The following SRGAP3 variants were observed in gnomAD, a reference collection of about 807,000 sequenced individuals.
SRGAP3 encodes the protein SLIT-ROBO Rho GTPase activating protein 3.
A neutral mutation model predicts 121.1 loss-of-function variants in SRGAP3; 39 were observed. That is an observed-to-expected ratio of 0.32 (90% CI 0.25 to 0.42). The LOEUF (loss-of-function observed/expected upper bound fraction) is 0.42. Ranked by LOEUF, SRGAP3 falls within the 10% of genes least tolerant of loss-of-function variation. The pLI, the probability that SRGAP3 is intolerant of heterozygous loss-of-function variation, is 1.00. For missense variants in SRGAP3, 1,213 were observed against 1,470.6 expected, an observed-to-expected ratio of 0.82 and a Z score of 2.86; for synonymous variants, 601 against 570.0, an observed-to-expected ratio of 1.05 and a Z score of -0.77.
chr3:9,242,077 CAAAAAAAAAAAA>C (rs142186507), intron 1 of SRGAP3, among the ~76,000 whole-genome samples: 640 of 68,518 alleles, frequency 9.3e-3, no homozygotes, highest in Admixed American at 0.014. Flanking sequence ...CACCCTAATT[CAAAAAAAAAAAA>C]AAAAAAAAAA....
chr3:9,199,960 A>T, intron 1 of SRGAP3, among the ~76,000 whole-genome samples: 1 of 152,276 alleles, frequency 6.6e-6, no homozygotes, highest in East Asian at 1.9e-4. Flanking sequence ...TAAGAAAAAA[A>T]TCAAGCCTTC....
chr3:9,033,260 T>C (rs974778433), intron 11 of SRGAP3, among the ~76,000 whole-genome samples: 3 of 152,234 alleles, frequency 2.0e-5, no homozygotes, highest in Non-Finnish European at 4.4e-5. Context: ...GACTGATCTT[T>C]ACTTCATTGA....
intron 3 of SRGAP3, among the ~76,000 whole-genome samples, chr3:9,264,642 T>C (rs898092943): frequency 1.3e-5 from 2 of 151,960 alleles, no homozygotes; most frequent in African/African-American, 2.4e-5. Context: ...GGGAATAAAA[T>C]ACCTAAAAAT....
chr3:9,058,526 G>A (rs1560033216), intron 6 of SRGAP3, 54 bp from the exon 7 acceptor site: 1 of 1,542,698 alleles, frequency 6.5e-7, no homozygotes. Flanking sequence ...ATGTGGAGGG[G>A]CGGTCACTGG....
chr3:9,080,114 C>T (rs778095941), intron 3 of SRGAP3, 27 bp from the exon 4 acceptor site: 43 of 1,613,314 alleles, frequency 2.7e-5, no homozygotes, highest in South Asian at 7.7e-5. Flanking sequence ...CAAATGTCAG[C>T]GGGGGAGAAG....
At chr3:9,341,610 G>A (rs542250788) in intron 1 of SRGAP3, among the ~76,000 whole-genome samples, 1 of 152,314 alleles carries the variant, frequency 6.6e-6, no homozygotes, top group East Asian at 1.9e-4. Flanking sequence ...ACCCAAAGGA[G>A]GCTGGCAGAC....
intron 3 of SRGAP3, among the ~76,000 whole-genome samples, chr3:9,308,866 T>C (rs1955198835): frequency 6.6e-6 from 1 of 152,098 alleles, no homozygotes; most frequent in Non-Finnish European, 1.5e-5. Context: ...ATCGATCATG[T>C]ACACCCTTGC....
intron 3 of SRGAP3, among the ~76,000 whole-genome samples, chr3:9,280,077 C>T (rs1259183363): frequency 2.6e-5 from 4 of 152,188 alleles, no homozygotes; most frequent in Admixed American, 6.5e-5. Context: ...GAAACCATAG[C>T]GACCACAAGT....
At position 9,142,526 on chromosome 3, in the gene SRGAP3, A is replaced by C. The variant is rs112352200; in HGVS notation, c.68-17609T>G. 2.4e-3 allele frequency among the ~76,000 whole-genome samples: 371 copies of C among 152,330 alleles called. 3 individuals are homozygous for C. Among genetic ancestry groups the C allele is most frequent in the African/African-American group, 8.6e-3 (359 of 41,584 alleles). On this transcript the variant is annotated intron_variant, in intron 1 of 21. Coordinates refer to ENST00000383836, the MANE Select transcript of SRGAP3 (RefSeq NM_014850.4). ...TAATGCAATGTGAAACTCTCTGCCA[A>C]GCTCATATTTCATGTCTTGGGTCCT... is the stretch of plus-strand genomic sequence containing the variant.
At chr3:9,040,718 CA>C (rs1471518033) in intron 10 of SRGAP3, among the ~76,000 whole-genome samples, 4 of 152,118 alleles carry the variant, frequency 2.6e-5, no homozygotes, top group Admixed American at 2.0e-4. Flanking sequence ...CACATACCAC[CA>C]CACCCAGCTA....
chr3:8,984,104 G>T lies in SRGAP3; in HGVS notation c.*1415C>A, dbSNP rs1030587340. 1 of 232,052 alleles carries T rather than the reference G, an allele frequency of 4.3e-6. No individual in the cohort carries two copies. The highest frequency in any genetic ancestry group is 8.5e-6 in the Non-Finnish European group (1 of 117,292). The allele number at this position is 232,052 out of a possible 1,614,324, so 14.4% of individuals were successfully genotyped here. On this transcript the variant is annotated 3_prime_UTR_variant, in exon 22 of 22. Transcript: ENST00000383836. ...GGCTTTACTTGGCCAAGAGGCAAAGGCCTGGCTGTCACACGTGAAGATCAT... is the reference window on the plus strand; with the variant it reads ...GGCTTTACTTGGCCAAGAGGCAAAGTCCTGGCTGTCACACGTGAAGATCAT...
chr3:8,990,021 GTC>G (rs1250919911), intron 21 of SRGAP3, among the ~76,000 whole-genome samples: 1 of 152,240 alleles, frequency 6.6e-6, no homozygotes, highest in Admixed American at 6.5e-5. Context: ...GTTTGTTGAT[GTC>G]TCTTTCTTCT....
At chr3:9,254,973 GA>G (rs1370859158) in intron 3 of SRGAP3, among the ~76,000 whole-genome samples, 1 of 146,946 alleles carries the variant, frequency 6.8e-6, no homozygotes, top group East Asian at 2.0e-4. Flanking sequence ...AAAGAAAGGG[GA>G]AAGAAAAAGA....
At chr3:9,299,552 T>C (rs1169441281) in intron 3 of SRGAP3, among the ~76,000 whole-genome samples, 1 of 151,904 alleles carries the variant, frequency 6.6e-6, no homozygotes, top group African/African-American at 2.4e-5. Context: ...GCAAGTACGT[T>C]TTTGGTGGTT....
intron 1 of SRGAP3, among the ~76,000 whole-genome samples, chr3:9,152,108 T>C (rs562878519): frequency 7.5e-4 from 115 of 152,344 alleles, no homozygotes; most frequent in African/African-American, 2.6e-3. Context: ...CATTGTCTGT[T>C]TGATTCACTG....
At chr3:9,193,334 C>T (rs1320757045) in intron 1 of SRGAP3, 1 of 152,314 alleles carries the variant, frequency 6.6e-6, no homozygotes, top group Non-Finnish European at 1.5e-5. Flanking sequence ...CCTTAGCCCT[C>T]TGCCCACAGT....
intron 1 of SRGAP3, among the ~76,000 whole-genome samples, chr3:9,144,210 C>T (rs1949952355): frequency 6.6e-6 from 1 of 152,236 alleles, no homozygotes; most frequent in Non-Finnish European, 1.5e-5. Flanking sequence ...CCTTAATGTG[C>T]TTTTAGGATA....
chr3:9,181,894 G>T (rs1165667777), intron 1 of SRGAP3, among the ~76,000 whole-genome samples: 1 of 152,144 alleles, frequency 6.6e-6, no homozygotes, highest in Admixed American at 6.5e-5. Flanking sequence ...TCTTACATGG[G>T]CTGGGGACGG....
intron 1 of SRGAP3, among the ~76,000 whole-genome samples, chr3:9,156,825 G>A (rs985777228): frequency 6.6e-6 from 1 of 152,168 alleles, no homozygotes; most frequent in African/African-American, 2.4e-5. Flanking sequence ...ACAGCAGTGA[G>A]GAAAAGCCTG....
Sources: gnomAD v4.1 joint callset for allele counts (sites outside exome capture counted in the v4.1 genomes callset) on GRCh38, gnomAD v4.1.1 for gene constraint, MANE v1.5 for transcripts, NCBI Gene and HGNC (gene_info 2026-07-23, HGNC 2026-07-21) for gene names.